Variants in ARPP21 observed in about 807,000 individuals in gnomAD.
ARPP21 encodes cAMP regulated phosphoprotein 21.
ARPP21 carries 69 observed loss-of-function variants against 113.2 expected under a neutral mutation model. That is an observed-to-expected ratio of 0.61 (90% CI 0.50 to 0.74). The LOEUF is 0.74. Among genes scored for constraint, ARPP21 ranks in the 30% least tolerant of loss-of-function variants. The pLI is 0.00. For missense variants in ARPP21, 1,070 were observed against 1,037.4 expected, an observed-to-expected ratio of 1.03 and a Z score of -0.43; for synonymous variants, 368 against 375.5, an observed-to-expected ratio of 0.98 and a Z score of 0.23.
chr3:35,714,804 T>G (rs2092100991), intron 11 of ARPP21, among the ~76,000 whole-genome samples: 2 of 151,946 alleles, frequency 1.3e-5, no homozygotes. Flanking sequence ...ATTTTCTATG[T>G]GAAAAACTGG....
chr3:35,720,178 AC>A (rs1193835898), intron 13 of ARPP21, among the ~76,000 whole-genome samples: 1 of 140,466 alleles, frequency 7.1e-6, no homozygotes, highest in African/African-American at 2.6e-5. Flanking sequence ...GATGGAGGGC[AC>A]TGAGTATTTT....
intron 9 of ARPP21, among the ~76,000 whole-genome samples, chr3:35,701,393 T>A (rs2086334188): frequency 6.6e-6 from 1 of 151,732 alleles, no homozygotes; most frequent in African/African-American, 2.4e-5. Context: ...AGTATATAGG[T>A]AAACTTGAAG....
intron 19 of ARPP21, among the ~76,000 whole-genome samples, chr3:35,753,475 G>C (rs1388650472): frequency 6.6e-6 from 1 of 151,962 alleles, no homozygotes; most frequent in South Asian, 2.1e-4. Flanking sequence ...CATTTCAGTT[G>C]TTCGGATGGC....
intron 1 of ARPP21, among the ~76,000 whole-genome samples, chr3:35,646,861 A>G (rs1700432097): frequency 6.6e-6 from 1 of 152,186 alleles, no homozygotes; most frequent in African/African-American, 2.4e-5. Context: ...CTGGCATTGT[A>G]CTAAATTCAA....
At chr3:35,729,765 T>C (rs1043982429) in intron 15 of ARPP21, among the ~76,000 whole-genome samples, 1 of 152,248 alleles carries the variant, frequency 6.6e-6, no homozygotes, top group African/African-American at 2.4e-5. Context: ...GATATAGATA[T>C]TTCCAGAAGC....
chr3:35,744,026 T>TA (rs1238598534), intron 19 of ARPP21, 61 bp downstream of exon 19: 1 of 1,584,696 alleles, frequency 6.3e-7, no homozygotes, highest in African/African-American at 1.3e-5. Context: ...GTGAATCTTG[T>TA]ACTCTTTGGA....
intron 19 of ARPP21, among the ~76,000 whole-genome samples, chr3:35,752,024 T>C (rs558850859): frequency 1.3e-5 from 2 of 152,252 alleles, no homozygotes; most frequent in Admixed American, 6.5e-5. Context: ...ATGATCTTTT[T>C]CTTCCCAGAT....
rs183210174 is a variant in ARPP21 at position 35,767,573 on chromosome 3, A to G, written c.2137+23608A>G. Among the ~76,000 whole-genome samples the G allele has an allele frequency of 4.3e-3, 651 of 152,330 alleles. 2 individuals carry two copies. Among genetic ancestry groups the G allele is most frequent in the Non-Finnish European group, 7.6e-3 (515 of 68,034 alleles). On this transcript the variant is annotated intron_variant, in intron 19 of 20. Coordinates refer to ENST00000684406, the MANE Select transcript of ARPP21 (RefSeq NM_001385562.1). ...TATAAAAATGCCAAGTTTTATAATT[A>G]GAAACTAATTTATTTGTTTCAAAGC...
intron 1 of ARPP21, among the ~76,000 whole-genome samples, chr3:35,668,812 A>T (rs1320100104): frequency 6.6e-6 from 1 of 152,070 alleles, no homozygotes; most frequent in African/African-American, 2.4e-5. Context: ...ATGCAACAGG[A>T]TCTCATTTTG....
chr3:35,663,773 T>C (rs1457786666), intron 1 of ARPP21, among the ~76,000 whole-genome samples: 1 of 152,168 alleles, frequency 6.6e-6, no homozygotes, highest in Non-Finnish European at 1.5e-5. Context: ...TATACTCGCA[T>C]TTCCACTGTC....
intron 19 of ARPP21, among the ~76,000 whole-genome samples, chr3:35,756,311 C>T (rs1438804731): frequency 3.9e-5 from 6 of 152,078 alleles, no homozygotes; most frequent in African/African-American, 1.4e-4. Context: ...CTGTTTAGAG[C>T]TTATGCGAGT....
At chr3:35,728,426 G>T (rs1300160260) in intron 14 of ARPP21, among the ~76,000 whole-genome samples, 1 of 151,390 alleles carries the variant, frequency 6.6e-6, no homozygotes, top group Non-Finnish European at 1.5e-5. Flanking sequence ...CACCATATTG[G>T]CCAGGCTGGT....
intron 6 of ARPP21, 75 bp downstream of exon 6, chr3:35,687,958 C>A (rs1043388293): frequency 6.7e-5 from 91 of 1,361,984 alleles, no homozygotes; most frequent in Non-Finnish European, 6.9e-5. Flanking sequence ...CTAGATTTCA[C>A]ATGCATATTC....
intron 1 of ARPP21, among the ~76,000 whole-genome samples, chr3:35,675,570 A>G (rs2077268695): frequency 6.6e-6 from 1 of 151,870 alleles, no homozygotes; most frequent in Admixed American, 6.6e-5. Flanking sequence ...CCAGGACCAT[A>G]TCCAGGGTAA....
intron 19 of ARPP21, among the ~76,000 whole-genome samples, chr3:35,769,083 T>G (rs149808293): frequency 6.6e-6 from 1 of 152,304 alleles, no homozygotes; most frequent in African/African-American, 2.4e-5. Context: ...TATGTGTATA[T>G]TTATGTGTAT....
intron 20 of ARPP21, among the ~76,000 whole-genome samples, chr3:35,792,964 A>G (rs1203181879): frequency 6.6e-6 from 1 of 152,220 alleles, no homozygotes; most frequent in Non-Finnish European, 1.5e-5. Flanking sequence ...TTTAAAGGGC[A>G]TTTCTGGAGC....
At position 35,687,248 on chromosome 3, in the gene ARPP21, A is replaced by C. The variant is rs143526341; in HGVS notation, c.262-491A>C. On this transcript the variant is annotated intron_variant, in intron 5 of 20. Coordinates refer to ENST00000684406, the MANE Select transcript of ARPP21 (RefSeq NM_001385562.1). ...ACCTGGGTCTAAAATTGAGTTTTTA[A>C]TTGTAAATTCAGTAATAGGGGCTTT... Among the ~76,000 whole-genome samples, 1,282 of 151,364 alleles carry C rather than the reference A, an allele frequency of 8.5e-3. 12 individuals carry two copies. Among genetic ancestry groups the C allele is most frequent in the African/African-American group, 0.028 (1,161 of 41,436 alleles).
rs970788601 is a variant in ARPP21 at position 35,768,459 on chromosome 3, T to G, written c.2138-23923T>G. ...ATTCTTTTCTAGAAAACCAATTATG[T>G]GAGACTATCACTAGTTTATAATTAC... On this transcript the variant is annotated intron_variant, in intron 19 of 20. Coordinates refer to ENST00000684406, the MANE Select transcript of ARPP21 (RefSeq NM_001385562.1). 2.0e-5 allele frequency among the ~76,000 whole-genome samples: 3 copies of G among 152,162 alleles called. No individual in the cohort carries two copies. In the East Asian group the frequency reaches 5.8e-4, roughly 29 times the overall value.
intron 19 of ARPP21, among the ~76,000 whole-genome samples, chr3:35,758,377 C>G (rs2151233309): frequency 6.6e-6 from 1 of 152,170 alleles, no homozygotes; most frequent in South Asian, 2.1e-4. Context: ...GGTTTTGCTG[C>G]TTCTCTCCCC....
Sources: allele counts gnomAD v4.1 joint callset (sites outside exome capture counted in the v4.1 genomes callset), GRCh38; gene constraint gnomAD v4.1.1; transcripts MANE v1.5; gene names NCBI Gene and HGNC (gene_info 2026-07-23, HGNC 2026-07-21).